CDCP1: variants seen among roughly 807,000 people sequenced by gnomAD.
CDCP1 encodes the protein CUB domain-containing protein 1.
CDCP1 carries 29 observed loss-of-function variants against 60.2 expected under a neutral mutation model. The observed-to-expected ratio is 0.48, with a 90% confidence interval of 0.36 to 0.66. The LOEUF (loss-of-function observed/expected upper bound fraction) is 0.66, where lower values mean the gene tolerates loss of function less well. CDCP1 is among the 30% of genes least tolerant of loss of function. The pLI is 0.00. For missense variants in CDCP1, 876 were observed against 1,074.3 expected (o/e 0.82, Z 2.58); for synonymous variants, 387 against 431.1 (o/e 0.90, Z 1.27).
intron 1 of CDCP1, among the ~76,000 whole-genome samples, chr3:45,143,022 G>A (rs1422217989): frequency 1.3e-5 from 2 of 152,214 alleles, no homozygotes; most frequent in East Asian, 3.9e-4. Context: ...GGCTAATATG[G>A]TGAAACCCCG....
intron 1 of CDCP1, among the ~76,000 whole-genome samples, chr3:45,135,306 A>AC (rs1553611667): frequency 6.6e-6 from 1 of 152,020 alleles, no homozygotes; most frequent in African/African-American, 2.4e-5. Context: ...AGAAAAAAAA[A>AC]AAAACAAAAA....
intron 1 of CDCP1, among the ~76,000 whole-genome samples, chr3:45,131,077 T>G (rs918567143): frequency 6.6e-6 from 1 of 152,088 alleles, no homozygotes; most frequent in Admixed American, 6.5e-5. Flanking sequence ...CTTCCTATGT[T>G]GCCCAGGTTG....
chr3:45,112,591 T>C, intron 2 of CDCP1, 146 bp from the exon 3 acceptor site: 3 of 1,090,610 alleles, frequency 2.8e-6, no homozygotes, highest in Non-Finnish European at 4.0e-6. Context: ...AGGCCCCAAC[T>C]GCTGTGAGTC....
chr3:45,116,690 G>T (rs1445661094), intron 2 of CDCP1, among the ~76,000 whole-genome samples: 1 of 152,156 alleles, frequency 6.6e-6, no homozygotes, highest in Admixed American at 6.5e-5. Context: ...GAAATTATCT[G>T]CTCCTTGAAG....
At chr3:45,095,232 C>T in intron 5 of CDCP1, 115 bp downstream of exon 5, 1 of 934,052 alleles carries the variant, frequency 1.1e-6, no homozygotes. Flanking sequence ...TCGTGCCCGG[C>T]CAGATGGGCC....
chr3:45,096,048 G>T (rs1698391960), intron 4 of CDCP1, among the ~76,000 whole-genome samples: 1 of 152,210 alleles, frequency 6.6e-6, no homozygotes, highest in Non-Finnish European at 1.5e-5. Context: ...CTCCTCAGAT[G>T]GGGGGAAATG....
chr3:45,106,661 G>T (rs1159503193), intron 4 of CDCP1, among the ~76,000 whole-genome samples: 1 of 152,122 alleles, frequency 6.6e-6, no homozygotes, highest in Non-Finnish European at 1.5e-5. Context: ...AATCCATGTT[G>T]TGTGAAGAAT....
At position 45,144,952 on chromosome 3, in the gene CDCP1, CT is replaced by C. The variant is rs1326922578; in HGVS notation, c.82+1253del. The stretch of plus-strand genomic sequence containing the variant: ...TTGAGCTCAGGAGCTCGAGACCAGC[CT>C]GGGCAACACAGTGAAACCCTGTCTC... On this transcript the variant is annotated intron_variant, in intron 1 of 8. Transcript: ENST00000296129. 1.8e-4 allele frequency among the ~76,000 whole-genome samples: 27 copies of C among 152,052 alleles called. No homozygotes were observed. The East Asian group carries it at 4.4e-3, about 25-fold the overall frequency.
At chr3:45,094,231 A>AT (rs35794432) in intron 5 of CDCP1, among the ~76,000 whole-genome samples, 6 of 149,396 alleles carry the variant, frequency 4.0e-5, no homozygotes, top group African/African-American at 9.8e-5. Context: ...GTCATCAAAC[A>AT]TTTTTTTTTT....
intron 2 of CDCP1, among the ~76,000 whole-genome samples, chr3:45,117,698 G>C (rs1485197192): frequency 6.6e-6 from 1 of 151,792 alleles, no homozygotes; most frequent in African/African-American, 2.4e-5. Context: ...CTGAGTTCAA[G>C]TGATTTTCCT....
rs1330961652 is a variant in CDCP1, at chr3:45,093,363, G to A, written c.1541C>T (p.Ser514Leu). ...IKQIQVKQNI[S>L]VTLRTFAPSF... is the part of the protein sequence containing the mutation. ...GGGGGCAAAGGTGCGAAGGGTCACCGAGATGTTCTGCTTCACCTGGATCTG... is the reference window on the plus strand; with the variant it reads ...GGGGGCAAAGGTGCGAAGGGTCACCAAGATGTTCTGCTTCACCTGGATCTG... Residue 514 changes from serine to leucine, a missense_variant, in exon 6 of 9, where the codon TCG (serine) becomes TTG (leucine). This residue lies in a region of CDCP1 where 726 missense variants were observed against 935.7 expected (regional missense o/e 0.78). Coordinates refer to ENST00000296129, the MANE Select transcript of CDCP1 (RefSeq NM_022842.5). The A allele has an allele frequency of 3.7e-6, 6 of 1,614,230 alleles. No individual in the cohort carries two copies. Among genetic ancestry groups the A allele is most frequent in the Non-Finnish European group, 5.1e-6 (6 of 1,180,050 alleles).
chr3:45,101,439 G>A (rs1479160537), intron 4 of CDCP1, among the ~76,000 whole-genome samples: 1 of 152,176 alleles, frequency 6.6e-6, no homozygotes, highest in Non-Finnish European at 1.5e-5. Flanking sequence ...TAGCCTGGTG[G>A]TTGCACTGAG....
intron 4 of CDCP1, among the ~76,000 whole-genome samples, chr3:45,095,894 C>G (rs942457828): frequency 1.3e-5 from 2 of 152,050 alleles, no homozygotes; most frequent in South Asian, 4.1e-4. Flanking sequence ...AGGGACACGT[C>G]GGGAGAAAGT....
At chr3:45,088,208 A>G (rs1266160307) in intron 8 of CDCP1, among the ~76,000 whole-genome samples, 1 of 152,122 alleles carries the variant, frequency 6.6e-6, no homozygotes, top group Non-Finnish European at 1.5e-5. Flanking sequence ...TCAGCCAGGT[A>G]CGGTGGCTCA....
chr3:45,095,666 G>A, intron 4 of CDCP1, 98 bp from the exon 5 acceptor site: 1 of 912,022 alleles, frequency 1.1e-6, no homozygotes, highest in African/African-American at 1.6e-5. Flanking sequence ...GAAGAAAATG[G>A]CATATCAGAC....
rs534693804 is a variant in CDCP1 at position 45,112,550 on chromosome 3, C to G, written c.293-105G>C. On this transcript the variant is annotated intron_variant, in intron 2 of 8. Transcript: ENST00000296129. ...CTGTAGTAGACTCTTTGGGGCTCCC[C>G]CAAGGTGGCCTTTACCAGGCAGGGG... 309 of 1,492,274 alleles carry G rather than the reference C, an allele frequency of 2.1e-4. 6 individuals are homozygous for G. The South Asian group carries it at 3.1e-3, about 15-fold the overall frequency. 92.4% of individuals were successfully genotyped at this position (1,492,274 alleles called of 1,614,324 possible).
chr3:45,118,553 G>A lies in CDCP1; in HGVS notation c.151C>T (p.Leu51=). Residue 51 remains leucine, a synonymous_variant, in exon 2 of 9, where the codon CTG becomes TTG. Transcript: ENST00000296129. Reference sequence around the variant, plus strand: ...ACGATGTAACAGGGTTTTGCCAGCAGAGTCGGGGTCCCCAGCTTTATGAGA... The same window carrying A: ...ACGATGTAACAGGGTTTTGCCAGCAAAGTCGGGGTCCCCAGCTTTATGAGA... ...TVLIKLGTPT[L]LAKPCYIVIS... The A allele has an allele frequency of 6.2e-7, 1 of 1,614,168 alleles. No individual in the cohort carries two copies. Among genetic ancestry groups the A allele is most frequent in the Non-Finnish European group, 8.5e-7 (1 of 1,180,028 alleles).
At chr3:45,122,988 T>G (rs1295882906) in intron 1 of CDCP1, among the ~76,000 whole-genome samples, 1 of 140,520 alleles carries the variant, frequency 7.1e-6, no homozygotes. Flanking sequence ...TACTGGTCTA[T>G]GCTGAGACGT....
In CDCP1 at chr3:45,127,968, C is replaced by A. The variant is rs1192264596; in HGVS notation, c.83-9347G>T. Among the ~76,000 whole-genome samples the A allele has an allele frequency of 2.6e-5, 4 of 152,186 alleles. No individual in the cohort carries two copies. The East Asian group carries it at 7.7e-4, about 29-fold the overall frequency. On this transcript the variant is annotated intron_variant, in intron 1 of 8. Transcript: ENST00000296129. ...GATGGGTGGCAGGGCAGGTGACCAT[C>A]CCATTCCCCAACCCCAACGGCAGGT...
Sources: allele counts gnomAD v4.1 joint callset (sites outside exome capture counted in the v4.1 genomes callset), GRCh38; gene constraint gnomAD v4.1.1; regional missense constraint gnomAD v4.1.1; transcripts MANE v1.5; gene names NCBI Gene and HGNC (gene_info 2026-07-23, HGNC 2026-07-21).